Variants in PCDH15 observed in about 807,000 individuals in gnomAD.
PCDH15 encodes the protein protocadherin related 15.
PCDH15 carries 129 observed loss-of-function variants against 178.5 expected under a neutral mutation model. That is an observed-to-expected ratio of 0.72 (90% CI 0.63 to 0.84). The LOEUF (loss-of-function observed/expected upper bound fraction) is 0.84. Ranked by LOEUF, PCDH15 falls within the 40% of genes least tolerant of loss-of-function variation. The pLI, the probability that PCDH15 is intolerant of heterozygous loss-of-function variation, is 0.00. For synonymous variants in PCDH15, 800 were observed against 732.0 expected (o/e 1.09, Z -1.50); for missense variants, 2,230 against 2,099.9 (o/e 1.06, Z -1.21).
intron 15 of PCDH15, among the ~76,000 whole-genome samples, chr10:54,121,322 A>G (rs80141614): frequency 0.03 from 4,633 of 152,246 alleles, 108 homozygotes; most frequent in African/African-American, 0.061. Context: ...ATAGTGATAA[A>G]TGCCTACCTC....
At chr10:55,601,107 C>A (rs1843066714) in intron 2 of PCDH15, among the ~76,000 whole-genome samples, 1 of 151,998 alleles carries the variant, frequency 6.6e-6, no homozygotes, top group Non-Finnish European at 1.5e-5. Context: ...TGTACAAGAA[C>A]CTCACAGAGG....
Position 53,802,929 on chromosome 10 carries a change from A to G in PCDH15, c.*3650T>C, listed in dbSNP as rs1293667796. On this transcript the variant is annotated 3_prime_UTR_variant, in exon 38 of 38. Coordinates refer to ENST00000644397, the MANE Select transcript of PCDH15 (RefSeq NM_001384140.1). ...TTGGGAAAGCAGTGAAGGTGTTGAT[A>G]GATTTTTCAAACTATAGACAATGTT... The G allele has an allele frequency of 6.6e-6, 1 of 151,976 alleles. No homozygotes were observed. Among genetic ancestry groups the G allele is most frequent in the Non-Finnish European group, 1.5e-5 (1 of 67,870 alleles). 9.4% of individuals were successfully genotyped at this position (151,976 alleles called of 1,614,324 possible).
At chr10:54,561,980 C>CTTTTTTTTTTTTTT (rs575547228) in intron 2 of PCDH15, among the ~76,000 whole-genome samples, 1 of 75,252 alleles carries the variant, frequency 1.3e-5, no homozygotes, top group African/African-American at 6.8e-5. Flanking sequence ...CCGCACCCAG[C>CTTTTTTTTTTTTTT]TTTTTTTTTT....
chr10:54,693,341 A>T (rs557222344), intron 1 of PCDH15, among the ~76,000 whole-genome samples: 1 of 152,164 alleles, frequency 6.6e-6, no homozygotes, highest in African/African-American at 2.4e-5. Context: ...TTAAATTCTA[A>T]AGGATTCTTA....
intron 5 of PCDH15, among the ~76,000 whole-genome samples, chr10:54,361,952 T>A (rs1946116008): frequency 6.6e-6 from 1 of 152,060 alleles, no homozygotes. Context: ...TGGCTACTTA[T>A]CAGCAGTGAG....
At chr10:54,525,771 G>A (rs1388842296) in intron 3 of PCDH15, among the ~76,000 whole-genome samples, 1 of 152,150 alleles carries the variant, frequency 6.6e-6, no homozygotes, top group African/African-American at 2.4e-5. Context: ...AAATAATTGT[G>A]TCATTGGGAA....
intron 21 of PCDH15, among the ~76,000 whole-genome samples, chr10:53,987,033 A>G (rs1190894238): frequency 6.6e-6 from 1 of 152,206 alleles, no homozygotes; most frequent in African/African-American, 2.4e-5. Context: ...GAGCTGATAA[A>G]CTATATAAAT....
chr10:55,534,958 C>T (rs1373100939), intron 2 of PCDH15, among the ~76,000 whole-genome samples: 2 of 151,938 alleles, frequency 1.3e-5, no homozygotes, highest in Non-Finnish European at 2.9e-5. Flanking sequence ...CCAATTAACA[C>T]AGAAACAGAA....
chr10:55,235,296 T>C (rs1392706567), intron 1 of PCDH15, among the ~76,000 whole-genome samples: 1 of 152,098 alleles, frequency 6.6e-6, no homozygotes, highest in East Asian at 1.9e-4. Context: ...TTTTTCTTTC[T>C]CTTTGCCTCA....
chr10:53,929,611 G>T (rs1334073893), intron 25 of PCDH15, among the ~76,000 whole-genome samples: 1 of 152,118 alleles, frequency 6.6e-6, no homozygotes, highest in Non-Finnish European at 1.5e-5. Context: ...TAGGTAAAGA[G>T]TCATTAGCAT....
intron 2 of PCDH15, among the ~76,000 whole-genome samples, chr10:54,933,955 G>T (rs1452190121): frequency 6.6e-6 from 1 of 152,112 alleles, no homozygotes; most frequent in Non-Finnish European, 1.5e-5. Context: ...TAAAAGTCCA[G>T]TTATTTGCAT....
chr10:55,222,228 C>T (rs1461466291), intron 1 of PCDH15, among the ~76,000 whole-genome samples: 1 of 151,814 alleles, frequency 6.6e-6, no homozygotes, highest in East Asian at 1.9e-4. Flanking sequence ...TTGTGAAATG[C>T]CTCAAATATT....
intron 2 of PCDH15, among the ~76,000 whole-genome samples, chr10:55,067,399 G>A (rs1287787011): frequency 6.6e-6 from 1 of 151,960 alleles, no homozygotes; most frequent in Non-Finnish European, 1.5e-5. Flanking sequence ...GTTGCTGCAA[G>A]TGACATGATT....
At chr10:53,981,149 C>G (rs532454239) in intron 21 of PCDH15, among the ~76,000 whole-genome samples, 1 of 151,728 alleles carries the variant, frequency 6.6e-6, no homozygotes, top group East Asian at 1.9e-4. Context: ...AGTAATAAGG[C>G]GAGAATAATT....
chr10:54,758,940 G>A (rs1947515906), intron 1 of PCDH15, among the ~76,000 whole-genome samples: 1 of 151,814 alleles, frequency 6.6e-6, no homozygotes, highest in African/African-American at 2.4e-5. Context: ...CCTCCTATAG[G>A]TCTGGCTTCT....
At chr10:55,136,390 C>T (rs1467055707) in intron 2 of PCDH15, among the ~76,000 whole-genome samples, 3 of 151,700 alleles carry the variant, frequency 2.0e-5, no homozygotes, top group Admixed American at 1.3e-4. Context: ...CAAAGCAAAA[C>T]GAAACCTCCC....
chr10:53,899,143 G>A (rs1030377636), intron 26 of PCDH15, among the ~76,000 whole-genome samples: 1 of 14,236 alleles, frequency 7.0e-5, no homozygotes, highest in Non-Finnish European at 1.2e-4. Context: ...ACTTTTTTTC[G>A]GGGGGGGGTG....
chr10:54,266,144 C>G (rs1319035074), intron 8 of PCDH15, among the ~76,000 whole-genome samples: 3 of 118,472 alleles, frequency 2.5e-5, no homozygotes, highest in African/African-American at 7.6e-5. Flanking sequence ...AACGCAGACA[C>G]AAACACACAC....
chr10:54,111,638 C>A (rs1375289336), intron 15 of PCDH15, among the ~76,000 whole-genome samples: 4 of 152,108 alleles, frequency 2.6e-5, no homozygotes, highest in Non-Finnish European at 5.9e-5. Flanking sequence ...AGAGAACATG[C>A]AGTATCAGTT....
Sources: allele counts gnomAD v4.1 joint callset (sites outside exome capture counted in the v4.1 genomes callset), GRCh38; gene constraint gnomAD v4.1.1; transcripts MANE v1.5; gene names NCBI Gene and HGNC (gene_info 2026-07-23, HGNC 2026-07-21).